TMEM41B: variants seen among roughly 807,000 people sequenced by gnomAD.
The protein encoded by TMEM41B is transmembrane protein 41B, also known as protein stasimon.
Under a neutral mutation model 31.9 loss-of-function variants are expected in TMEM41B, and 18 were observed. The observed-to-expected ratio is 0.56, with a 90% confidence interval of 0.39 to 0.84. The LOEUF (loss-of-function observed/expected upper bound fraction) is 0.84, where lower values mean the gene tolerates loss of function less well. TMEM41B is among the 40% of genes least tolerant of loss of function. The pLI is 0.00. For synonymous variants in TMEM41B, 144 were observed against 124.3 expected (o/e 1.16, Z -1.05); for missense variants, 322 against 348.0 (o/e 0.93, Z 0.59).
At position 9,283,316 on chromosome 11, in the gene TMEM41B, A is replaced by C; in HGVS notation, c.*108T>G. On this transcript the variant is annotated 3_prime_UTR_variant, in exon 7 of 7. Transcript: ENST00000528080. ...ACTATCTGATAGGAAATTTTATTTT[A>C]CAAATTCCTTGTTTAATTACTGAAG... 2.3e-6 allele frequency: 2 copies of C among 866,052 alleles called. No individual in the cohort carries two copies. The highest frequency in any genetic ancestry group is 3.4e-6 in the Non-Finnish European group (2 of 585,164). The allele number at this position is 866,052 out of a possible 1,614,324, so 53.6% of individuals were successfully genotyped here.
chr11:9,314,193 C>G, intron 1 of TMEM41B, 128 bp downstream of exon 1: 1 of 1,265,048 alleles, frequency 7.9e-7, no homozygotes, highest in East Asian at 2.8e-5. Context: ...ACGGTCTCTG[C>G]TCCCGCCGCG....
intron 1 of TMEM41B, among the ~76,000 whole-genome samples, chr11:9,304,571 T>C (rs1037275452): frequency 6.6e-6 from 1 of 150,836 alleles, no homozygotes; most frequent in Non-Finnish European, 1.5e-5. Context: ...CTCCTGGGAG[T>C]TGAATGCCTT....
At chr11:9,298,766 T>C (rs1853163057) in intron 2 of TMEM41B, among the ~76,000 whole-genome samples, 2 of 103,934 alleles carry the variant, frequency 1.9e-5, no homozygotes, top group African/African-American at 3.5e-5. Flanking sequence ...TGAAACTATC[T>C]CAAATGAAGA....
chr11:9,314,215 C>A (rs1398525253), intron 1 of TMEM41B, 106 bp downstream of exon 1: 2 of 1,356,636 alleles, frequency 1.5e-6, no homozygotes, highest in East Asian at 2.8e-5. Context: ...CGCCAGCAGG[C>A]CCCCCTCTTT....
At chr11:9,298,651 A>G (rs1049598144) in intron 2 of TMEM41B, among the ~76,000 whole-genome samples, 1 of 151,860 alleles carries the variant, frequency 6.6e-6, no homozygotes, top group Non-Finnish European at 1.5e-5. Flanking sequence ...CTATAATCCC[A>G]ACTACTCAGG....
chr11:9,306,518 T>C (rs1017757937), intron 1 of TMEM41B, among the ~76,000 whole-genome samples: 7 of 151,614 alleles, frequency 4.6e-5, no homozygotes, highest in African/African-American at 7.3e-5. Flanking sequence ...CCGTCTCTAC[T>C]AAAAAAATAC....
intron 1 of TMEM41B, among the ~76,000 whole-genome samples, chr11:9,307,478 TG>T (rs1853429305): frequency 6.6e-6 from 1 of 152,138 alleles, no homozygotes; most frequent in South Asian, 2.1e-4. Context: ...GAGTTTCTCT[TG>T]TTGCCCAAGC....
intron 1 of TMEM41B, among the ~76,000 whole-genome samples, chr11:9,310,999 C>T (rs1209377389): frequency 1.3e-5 from 2 of 151,944 alleles, no homozygotes; most frequent in African/African-American, 4.8e-5. Flanking sequence ...TTACAGATCT[C>T]AAACTTGTCT....
Position 9,281,449 on chromosome 11 carries a change from G to GATAGAAAAA in TMEM41B, c.*1966_*1974dup. 6.6e-6 allele frequency: 1 copy of GATAGAAAAA among 152,262 alleles called. No individual in the cohort carries two copies. Among genetic ancestry groups the GATAGAAAAA allele is most frequent in the East Asian group, 1.9e-4 (1 of 5,190 alleles). The allele number at this position is 152,262 out of a possible 1,614,324, so 9.4% of individuals were successfully genotyped here. On this transcript the variant is annotated 3_prime_UTR_variant, in exon 7 of 7. Coordinates refer to ENST00000528080, the MANE Select transcript of TMEM41B (RefSeq NM_015012.4). The stretch of plus-strand genomic sequence containing the variant: ...AATAAAATCCATCTGTTAACACTGT[G>GATAGAAAAA]ATAGAAAAAATAATCAGTCCACATC...
chr11:9,287,896 A>C, intron 4 of TMEM41B, 90 bp from the exon 5 acceptor site: 1 of 962,814 alleles, frequency 1.0e-6, no homozygotes, highest in Non-Finnish European at 1.6e-6. Context: ...CAATTAATTT[A>C]CTTCTTTCAG....
At chr11:9,294,356 A>G (rs893990844) in intron 3 of TMEM41B, among the ~76,000 whole-genome samples, 1 of 151,762 alleles carries the variant, frequency 6.6e-6, no homozygotes. Context: ...TTAACCAAGT[A>G]TGGCGGCAGG....
At chr11:9,312,903 CAAAAAAAAAAAA>C (rs36030741) in intron 1 of TMEM41B, among the ~76,000 whole-genome samples, 9 of 95,340 alleles carry the variant, frequency 9.4e-5, no homozygotes, top group Non-Finnish European at 1.9e-4. Flanking sequence ...GACTCCGTCT[CAAAAAAAAAAAA>C]AAAAAAAAGA....
At chr11:9,313,599 G>T (rs929093740) in intron 1 of TMEM41B, among the ~76,000 whole-genome samples, 12 of 152,146 alleles carry the variant, frequency 7.9e-5, no homozygotes, top group Non-Finnish European at 4.4e-5. Context: ...AAATAAAGCC[G>T]TGAGAAATGT....
At chr11:9,312,647 T>G in intron 1 of TMEM41B, among the ~76,000 whole-genome samples, 1 of 152,206 alleles carries the variant, frequency 6.6e-6, no homozygotes, top group East Asian at 1.9e-4. Flanking sequence ...GGCTCACGCC[T>G]GTAATCCCAG....
intron 3 of TMEM41B, among the ~76,000 whole-genome samples, chr11:9,293,981 G>A (rs1177290152): frequency 3.3e-5 from 5 of 151,806 alleles, no homozygotes; most frequent in South Asian, 4.1e-4. Flanking sequence ...GAGGAGCTCA[G>A]GAGTTCAACA....
intron 1 of TMEM41B, among the ~76,000 whole-genome samples, 183 bp downstream of exon 1, chr11:9,314,138 G>C (rs1406744924): frequency 6.6e-6 from 1 of 152,108 alleles, no homozygotes; most frequent in African/African-American, 2.4e-5. Context: ...GCACCTACTC[G>C]GCGTCCGGCC....
intron 5 of TMEM41B, among the ~76,000 whole-genome samples, 182 bp from the exon 6 acceptor site, chr11:9,286,775 G>A (rs1282809080): frequency 6.6e-5 from 10 of 151,974 alleles, no homozygotes; most frequent in Non-Finnish European, 1.0e-4. Flanking sequence ...TGAGGCAGGC[G>A]GATCACCTGA....
Position 9,280,794 on chromosome 11 carries a change from G to A in TMEM41B, c.*2630C>T, listed in dbSNP as rs1437297652. 4 of 152,196 alleles carry A rather than the reference G, an allele frequency of 2.6e-5. No individual in the cohort carries two copies. Among genetic ancestry groups the A allele is most frequent in the Non-Finnish European group, 5.9e-5 (4 of 68,046 alleles). The allele number at this position is 152,196 out of a possible 1,614,324, so 9.4% of individuals were successfully genotyped here. ...AAGAACAGTTTCACTTTCTTAGCTT[G>A]TCAACTCCTAGTTAGCCTGCTTGCC... On this transcript the variant is annotated 3_prime_UTR_variant, in exon 7 of 7. Transcript: ENST00000528080.
intron 1 of TMEM41B, among the ~76,000 whole-genome samples, chr11:9,304,648 C>CTTAA (rs552347150): frequency 6.7e-6 from 1 of 149,852 alleles, no homozygotes; most frequent in African/African-American, 2.4e-5. Flanking sequence ...ACCATGTCTG[C>CTTAA]TTAATTAATT....
Sources: allele counts gnomAD v4.1 joint callset (sites outside exome capture counted in the v4.1 genomes callset), GRCh38; gene constraint gnomAD v4.1.1; transcripts MANE v1.5; gene names NCBI Gene and HGNC (gene_info 2026-07-23, HGNC 2026-07-21).